The following SEPTIN2 variants were observed in gnomAD, a reference collection of about 807,000 sequenced individuals.
SEPTIN2 encodes the protein septin 2.
In SEPTIN2, 34 loss-of-function variants were observed where a neutral mutation model predicts 46.5. The ratio of observed to expected loss-of-function variants is 0.73; its 90% confidence interval spans 0.56 to 0.97. The LOEUF is 0.97. Among genes scored for constraint, SEPTIN2 ranks in the 50% least tolerant of loss-of-function variants. The pLI, the probability that SEPTIN2 is intolerant of heterozygous loss-of-function variation, is 0.00. For missense variants in SEPTIN2, 347 were observed against 448.4 expected (o/e 0.77, Z 2.04); for synonymous variants, 175 against 153.4 (o/e 1.14, Z -1.04).
At chr2:241,329,357 T>A (rs1385174642) in intron 3 of SEPTIN2, among the ~76,000 whole-genome samples, 1 of 152,102 alleles carries the variant, frequency 6.6e-6, no homozygotes, top group Non-Finnish European at 1.5e-5. Context: ...CTCGATCTCC[T>A]GACTTCGTGA....
intron 5 of SEPTIN2, 138 bp downstream of exon 5, chr2:241,336,236 A>G (rs1337193180): frequency 1.1e-6 from 1 of 929,458 alleles, no homozygotes; most frequent in African/African-American, 1.7e-5. Context: ...AAGCGTGTTA[A>G]ATGTTGACTT....
rs1350203390 is a variant in SEPTIN2 at position 241,337,314 on chromosome 2, TC to T, written c.342-65del. 7 of 1,394,592 alleles carry T rather than the reference TC, an allele frequency of 5.0e-6. No homozygotes were observed. The Admixed American group carries it at 1.1e-4, about 23-fold the overall frequency. 86.4% of individuals were successfully genotyped at this position (1,394,592 alleles called of 1,614,324 possible). A position where few individuals can be genotyped will look rare whatever the true frequency, so the allele number is the denominator to read the frequency against. On this transcript the variant is annotated intron_variant, in intron 5 of 12. Coordinates refer to ENST00000391971, the MANE Select transcript of SEPTIN2 (RefSeq NM_004404.5). ...TATATTTGGGCGGAGGCACTTGTTTTCCCTTTGAAGTCAGGGACCCCCTGTT... is the reference window on the plus strand; with the variant it reads ...TATATTTGGGCGGAGGCACTTGTTTTCCTTTGAAGTCAGGGACCCCCTGTT...
intron 10 of SEPTIN2, among the ~76,000 whole-genome samples, chr2:241,347,900 A>G (rs959884635): frequency 1.3e-5 from 2 of 152,136 alleles, no homozygotes; most frequent in African/African-American, 4.8e-5. Flanking sequence ...CTGTAATGCC[A>G]GTTACCCAGG....
chr2:241,335,903 C>T (rs1399489904), intron 4 of SEPTIN2, 72 bp from the exon 5 acceptor site: 2 of 1,602,308 alleles, frequency 1.2e-6, no homozygotes, highest in African/African-American at 2.7e-5. Flanking sequence ...TCTGAAGTCA[C>T]CTGTCGTAAG....
chr2:241,335,815 T>C (rs755294597), intron 4 of SEPTIN2, 160 bp from the exon 5 acceptor site: 2 of 844,834 alleles, frequency 2.4e-6, no homozygotes, highest in African/African-American at 3.4e-5. Flanking sequence ...CCTTCCCCTT[T>C]CTGACTTCTC....
chr2:241,328,962 G>A (rs1452240052), intron 3 of SEPTIN2, among the ~76,000 whole-genome samples: 3 of 152,016 alleles, frequency 2.0e-5, no homozygotes, highest in African/African-American at 7.2e-5. Context: ...GGAGGTTGCG[G>A]TGAGCCGAGA....
Position 241,324,200 on chromosome 2 carries a change from G to GTT in SEPTIN2, c.-17-7_-17-6dup. ...TATGTGCGTTTATGTGTGTCTGTGTGTTTTTTTTTTAACAGACGAAGCTTC... is the reference window on the plus strand; with the variant it reads ...TATGTGCGTTTATGTGTGTCTGTGTGTTTTTTTTTTTTAACAGACGAAGCTTC... On this transcript the variant is annotated splice_polypyrimidine_tract_variant and intron_variant, in intron 1 of 12. Coordinates refer to ENST00000391971, the MANE Select transcript of SEPTIN2 (RefSeq NM_004404.5). The GTT allele has an allele frequency of 3.5e-6, 5 of 1,418,622 alleles. No individual in the cohort carries two copies. Among genetic ancestry groups the GTT allele is most frequent in the South Asian group, 1.3e-5 (1 of 78,028 alleles). The allele number at this position is 1,418,622 out of a possible 1,614,324, so 87.9% of individuals were successfully genotyped here. A position where few individuals can be genotyped will look rare whatever the true frequency, so the allele number is the denominator to read the frequency against.
At chr2:241,316,457 C>T (rs946064984) in intron 1 of SEPTIN2, 16 of 1,509,250 alleles carry the variant, frequency 1.1e-5, no homozygotes, top group Admixed American at 2.1e-5. Context: ...ACCTCCAAGC[C>T]CATCGGCTGG....
In SEPTIN2 at chr2:241,343,018, C is replaced by T. The variant is rs766245021; in HGVS notation, c.621C>T (p.Asn207=). The stretch of plus-strand genomic sequence containing the variant: ...TTCTGGATGAAATTGAAGAACATAA[C>T]ATCAAAATCTATCACTTACCTGATG... The part of the protein sequence containing the change: ...KRILDEIEEH[N]IKIYHLPDAE... The change falls in exon 8 of 13, where the codon AAC becomes AAT. Residue 207 remains asparagine, a synonymous_variant. Transcript: ENST00000391971. The T allele has an allele frequency of 5.6e-6, 9 of 1,607,230 alleles. No individual in the cohort carries two copies. Among genetic ancestry groups the T allele is most frequent in the African/African-American group, 1.3e-5 (1 of 74,842 alleles).
Position 241,343,822 on chromosome 2 carries a change from G to A in SEPTIN2, c.767G>A (p.Arg256His), listed in dbSNP as rs764388666. The change falls in exon 9 of 13, where the codon CGC (arginine) becomes CAC (histidine). Residue 256 changes from arginine (R) to histidine (H), a missense_variant. Coordinates refer to ENST00000391971, the MANE Select transcript of SEPTIN2 (RefSeq NM_004404.5). ...IEAKGKKVRG[R>H]LYPWGVVEVE... ...GCCAAAGGAAAGAAGGTCAGAGGCC[G>A]CCTCTACCCCTGGGGTGTTGTGGAA... The A allele has an allele frequency of 1.1e-5, 17 of 1,614,216 alleles. No homozygotes were observed. Among genetic ancestry groups the A allele is most frequent in the African/African-American group, 1.3e-5 (1 of 75,060 alleles).
chr2:241,322,510 G>A (rs900248385), intron 1 of SEPTIN2, among the ~76,000 whole-genome samples: 2 of 152,008 alleles, frequency 1.3e-5, no homozygotes, highest in Admixed American at 6.5e-5. Context: ...GGGAGGCTGA[G>A]GCAGGAGAAG....
chr2:241,343,965 A>T, intron 9 of SEPTIN2, 68 bp downstream of exon 9: 2 of 1,571,222 alleles, frequency 1.3e-6, no homozygotes, highest in Admixed American at 1.7e-5. Flanking sequence ...GACGGGGTGT[A>T]CACTTGGCCC....
intron 1 of SEPTIN2, chr2:241,320,137 C>T (rs1252872484): frequency 4.5e-6 from 2 of 447,010 alleles, no homozygotes; most frequent in Non-Finnish European, 9.3e-6. Flanking sequence ...CTTATGTCTC[C>T]ATCTGGGTTT....
chr2:241,328,412 CAG>C (rs1250106898), intron 3 of SEPTIN2, among the ~76,000 whole-genome samples: 2 of 151,456 alleles, frequency 1.3e-5, no homozygotes, highest in Admixed American at 1.3e-4. Flanking sequence ...AGTCTGGCGA[CAG>C]AGCAAGACTC....
rs2060861903 is a variant in SEPTIN2 at position 241,352,465 on chromosome 2, C to T, written c.*528C>T. 1 of 152,646 alleles carries T rather than the reference C, an allele frequency of 6.6e-6. No individual in the cohort carries two copies. Among genetic ancestry groups the T allele is most frequent in the Admixed American group, 6.5e-5 (1 of 15,286 alleles). The allele number at this position is 152,646 out of a possible 1,614,324, so 9.5% of individuals were successfully genotyped here. A position where few individuals can be genotyped will look rare whatever the true frequency, so the allele number is the denominator to read the frequency against. On this transcript the variant is annotated 3_prime_UTR_variant, in exon 13 of 13. Coordinates refer to ENST00000391971, the MANE Select transcript of SEPTIN2 (RefSeq NM_004404.5). The stretch of plus-strand genomic sequence containing the variant: ...CTTGCTTTTATGTTTGTACACAACA[C>T]CTAAAACCAGTTTTGCTGCTATAAT...
intron 1 of SEPTIN2, chr2:241,320,389 C>T: frequency 2.2e-6 from 1 of 448,340 alleles, no homozygotes; most frequent in South Asian, 1.6e-5. Flanking sequence ...TCTGCATTTT[C>T]AGATTTGGGG....
At chr2:241,348,451 G>C (rs996159960) in intron 11 of SEPTIN2, among the ~76,000 whole-genome samples, 3 of 152,028 alleles carry the variant, frequency 2.0e-5, no homozygotes, top group African/African-American at 4.8e-5. Flanking sequence ...GGCTGGTCTC[G>C]AACTCCTAAC....
intron 4 of SEPTIN2, chr2:241,335,434 T>C: frequency 7.8e-7 from 1 of 1,278,224 alleles, no homozygotes; most frequent in South Asian, 1.3e-5. Flanking sequence ...TCTCTTGAGT[T>C]TGTCTGTAAA....
intron 8 of SEPTIN2, 81 bp downstream of exon 8, chr2:241,343,174 T>A: frequency 1.3e-6 from 1 of 799,996 alleles, no homozygotes; most frequent in Non-Finnish European, 2.1e-6. Context: ...ATTGCCTGGG[T>A]ATGTTCAGTT....
Sources: gnomAD v4.1 joint callset for allele counts (sites outside exome capture counted in the v4.1 genomes callset) on GRCh38, gnomAD v4.1.1 for gene constraint, MANE v1.5 for transcripts, NCBI Gene and HGNC (gene_info 2026-07-23, HGNC 2026-07-21) for gene names.